Variants in GPC5 observed in about 807,000 individuals in gnomAD.
GPC5 encodes glypican 5, also known as glypican-5.
Under a neutral mutation model 53.9 loss-of-function variants are expected in GPC5, and 47 were observed. That is an observed-to-expected ratio of 0.87 (90% CI 0.69 to 1.11). GPC5 has a LOEUF of 1.11. Ranked by LOEUF, GPC5 falls within the 50% of genes most tolerant of loss-of-function variation. GPC5 has a pLI of 0.00. For missense variants in GPC5, 748 were observed against 713.1 expected, an observed-to-expected ratio of 1.05 and a Z score of -0.56; for synonymous variants, 286 against 263.3, an observed-to-expected ratio of 1.09 and a Z score of -0.84.
chr13:91,711,078 T>A (rs992094005), intron 3 of GPC5, among the ~76,000 whole-genome samples: 1 of 152,140 alleles, frequency 6.6e-6, no homozygotes, highest in Non-Finnish European at 1.5e-5. Flanking sequence ...AGAAATACCA[T>A]TTGACCCAGC....
At chr13:91,900,156 A>ATTTTGT in intron 5 of GPC5, among the ~76,000 whole-genome samples, 1 of 152,192 alleles carries the variant, frequency 6.6e-6, no homozygotes, top group Non-Finnish European at 1.5e-5. Flanking sequence ...TACATTTGAA[A>ATTTTGT]AAAATACAAA....
chr13:92,441,492 G>C (rs898364652), intron 7 of GPC5, among the ~76,000 whole-genome samples: 1 of 152,106 alleles, frequency 6.6e-6, no homozygotes, highest in African/African-American at 2.4e-5. Context: ...TAAAATTTCA[G>C]GATACAAAAT....
chr13:92,774,405 G>T (rs1287260151), intron 7 of GPC5, among the ~76,000 whole-genome samples: 1 of 152,156 alleles, frequency 6.6e-6, no homozygotes, highest in Non-Finnish European at 1.5e-5. Context: ...GCATTGGATA[G>T]TTTTTCCCAG....
chr13:91,758,049 C>T (rs1483109086), intron 5 of GPC5, among the ~76,000 whole-genome samples: 6 of 151,424 alleles, frequency 4.0e-5, no homozygotes, highest in Non-Finnish European at 5.9e-5. Context: ...TTAGACTTCA[C>T]AGAAAAAAAA....
At chr13:92,843,642 T>G (rs1470452462) in intron 7 of GPC5, among the ~76,000 whole-genome samples, 1 of 152,192 alleles carries the variant, frequency 6.6e-6, no homozygotes, top group East Asian at 1.9e-4. Context: ...TGGCTCTGCA[T>G]TTTATAATGT....
chr13:92,102,606 A>T (rs1447504842), intron 6 of GPC5, among the ~76,000 whole-genome samples: 1 of 152,200 alleles, frequency 6.6e-6, no homozygotes, highest in Non-Finnish European at 1.5e-5. Flanking sequence ...AGGGGTTATA[A>T]TTGGTGGTTC....
chr13:91,708,160 C>A (rs1423161280), intron 3 of GPC5, among the ~76,000 whole-genome samples: 2 of 152,036 alleles, frequency 1.3e-5, no homozygotes, highest in African/African-American at 4.8e-5. Context: ...AAGGTATTCA[C>A]GGAAACAAGA....
intron 6 of GPC5, among the ~76,000 whole-genome samples, chr13:92,034,687 A>G (rs1349297400): frequency 6.6e-6 from 1 of 152,106 alleles, no homozygotes; most frequent in East Asian, 1.9e-4. Context: ...CTTTTATTTC[A>G]TGTCCTCTCC....
At position 92,140,377 on chromosome 13, in the gene GPC5, G is replaced by A. The variant is rs151146649; in HGVS notation, c.1402-4453G>A. On this transcript the variant is annotated intron_variant, in intron 6 of 7. Transcript: ENST00000377067. ...GCCAAATTTGAACTTTTTTCTTGGC[G>A]TCATTTCTAAAAGCATGTCAGTGGA... 2.6e-3 allele frequency among the ~76,000 whole-genome samples: 392 copies of A among 152,222 alleles called. 3 individuals carry two copies. Among genetic ancestry groups the A allele is most frequent in the African/African-American group, 8.1e-3 (336 of 41,538 alleles).
chr13:92,044,914 A>C (rs2040969558), intron 6 of GPC5, among the ~76,000 whole-genome samples: 1 of 152,170 alleles, frequency 6.6e-6, no homozygotes, highest in Admixed American at 6.5e-5. Context: ...TAATTTTATC[A>C]TGATCACTAT....
chr13:92,572,735 A>G (rs1335004423), intron 7 of GPC5, among the ~76,000 whole-genome samples: 4 of 152,168 alleles, frequency 2.6e-5, no homozygotes, highest in Non-Finnish European at 5.9e-5. Flanking sequence ...ACCATATGAC[A>G]CAAAATGTCT....
At chr13:91,542,606 A>G (rs948150640) in intron 2 of GPC5, among the ~76,000 whole-genome samples, 1 of 152,226 alleles carries the variant, frequency 6.6e-6, no homozygotes, top group African/African-American at 2.4e-5. Context: ...TGCAGTGTCC[A>G]GAGTCCTTGC....
At chr13:92,423,215 T>C (rs1876661552) in intron 7 of GPC5, among the ~76,000 whole-genome samples, 1 of 152,172 alleles carries the variant, frequency 6.6e-6, no homozygotes, top group Non-Finnish European at 1.5e-5. Context: ...CCAAATGCCA[T>C]CACGCTGAAG....
chr13:92,208,523 G>A (rs1372399799), intron 7 of GPC5, among the ~76,000 whole-genome samples: 2 of 152,186 alleles, frequency 1.3e-5, no homozygotes, highest in Non-Finnish European at 2.9e-5. Context: ...GCAACTCTAT[G>A]AGAAACATCT....
intron 7 of GPC5, among the ~76,000 whole-genome samples, chr13:92,820,205 C>A (rs1350137772): frequency 6.6e-6 from 1 of 152,150 alleles, no homozygotes; most frequent in South Asian, 2.1e-4. Flanking sequence ...CAGACCCCAG[C>A]CTGCTCTTTC....
chr13:92,184,936 G>T (rs2042173660), intron 7 of GPC5, among the ~76,000 whole-genome samples: 1 of 152,140 alleles, frequency 6.6e-6, no homozygotes, highest in African/African-American at 2.4e-5. Context: ...CAACAGTGAA[G>T]AAATTCACTA....
intron 7 of GPC5, among the ~76,000 whole-genome samples, chr13:92,755,300 T>C (rs958766060): frequency 2.1e-5 from 3 of 140,528 alleles, no homozygotes; most frequent in African/African-American, 8.0e-5. Flanking sequence ...AGACACAACA[T>C]ACCAGAATCT....
At chr13:92,142,498 T>C (rs931726975) in intron 6 of GPC5, among the ~76,000 whole-genome samples, 1 of 152,160 alleles carries the variant, frequency 6.6e-6, no homozygotes, top group African/African-American at 2.4e-5. Flanking sequence ...ACTGAAGTGA[T>C]GGAGGAAAAA....
chr13:91,729,621 T>C (rs527871773), intron 4 of GPC5, among the ~76,000 whole-genome samples: 4 of 152,174 alleles, frequency 2.6e-5, no homozygotes, highest in Admixed American at 6.5e-5. Flanking sequence ...GGGATAAAGA[T>C]CTGGGCTATT....
Sources: gnomAD v4.1 joint callset for allele counts (sites outside exome capture counted in the v4.1 genomes callset) on GRCh38, gnomAD v4.1.1 for gene constraint, MANE v1.5 for transcripts, NCBI Gene and HGNC (gene_info 2026-07-23, HGNC 2026-07-21) for gene names.